CADM1: variants seen among roughly 807,000 people sequenced by gnomAD.
The protein encoded by CADM1 is TSLC-1.
CADM1 carries 15 observed loss-of-function variants against 53.1 expected under a neutral mutation model. That is an observed-to-expected ratio of 0.28 (90% CI 0.19 to 0.44). The LOEUF is 0.44. CADM1 is among the 20% of genes least tolerant of loss of function. The pLI is 1.00. For missense variants in CADM1, 434 were observed against 611.3 expected (o/e 0.71, Z 3.06); for synonymous variants, 281 against 243.0 (o/e 1.16, Z -1.45).
intron 1 of CADM1, among the ~76,000 whole-genome samples, chr11:115,361,177 CA>C (rs1336032262): frequency 6.6e-6 from 1 of 152,106 alleles, no homozygotes; most frequent in Non-Finnish European, 1.5e-5. Flanking sequence ...AGACAACATA[CA>C]ACATTGAATC....
At chr11:115,184,858 T>C (rs1056692939) in intron 10 of CADM1, among the ~76,000 whole-genome samples, 3 of 152,226 alleles carry the variant, frequency 2.0e-5, no homozygotes, top group African/African-American at 4.8e-5. Flanking sequence ...ACTACTCAAA[T>C]GATCAGGACT....
chr11:115,428,782 T>A (rs200852777), intron 1 of CADM1, among the ~76,000 whole-genome samples: 1 of 2,670 alleles, frequency 3.7e-4, no homozygotes, highest in Non-Finnish European at 3.6e-3. Context: ...TGTGTGTGCG[T>A]GTGTGTGTGT....
intron 1 of CADM1, among the ~76,000 whole-genome samples, chr11:115,409,802 A>C (rs1370610474): frequency 6.6e-6 from 1 of 152,158 alleles, no homozygotes; most frequent in Non-Finnish European, 1.5e-5. Flanking sequence ...GATAAATTTC[A>C]AGCTGGCAAA....
chr11:115,262,646 T>A (rs559028558), intron 1 of CADM1, among the ~76,000 whole-genome samples: 5 of 152,236 alleles, frequency 3.3e-5, no homozygotes, highest in Admixed American at 2.6e-4. Context: ...TAGTGGATGC[T>A]TATTTTCTTT....
At chr11:115,255,316 A>G (rs1591646493) in intron 1 of CADM1, among the ~76,000 whole-genome samples, 1 of 152,174 alleles carries the variant, frequency 6.6e-6, no homozygotes, top group Non-Finnish European at 1.5e-5. Context: ...ACCCAATTGT[A>G]CCAAAAATAT....
chr11:115,219,996 G>A (rs1166523551), intron 5 of CADM1, among the ~76,000 whole-genome samples: 1 of 152,062 alleles, frequency 6.6e-6, no homozygotes, highest in East Asian at 1.9e-4. Context: ...TGAACCTTCT[G>A]GGTGAGGCTA....
At chr11:115,219,109 G>T (rs185227073) in intron 5 of CADM1, among the ~76,000 whole-genome samples, 2 of 152,144 alleles carry the variant, frequency 1.3e-5, no homozygotes, top group Admixed American at 1.3e-4. Flanking sequence ...ACATCGGTTG[G>T]CTGAAAGGTC....
intron 1 of CADM1, among the ~76,000 whole-genome samples, chr11:115,481,120 C>T (rs1472122580): frequency 6.6e-6 from 1 of 152,114 alleles, no homozygotes; most frequent in Non-Finnish European, 1.5e-5. Context: ...TTCCAGTCCC[C>T]TTCTCCCTCA....
intron 10 of CADM1, among the ~76,000 whole-genome samples, chr11:115,190,060 T>G (rs1177175051): frequency 6.6e-6 from 1 of 152,184 alleles, no homozygotes; most frequent in African/African-American, 2.4e-5. Context: ...CCAATAGGCT[T>G]GAGTAAGTGT....
At chr11:115,229,021 A>G (rs1941719022) in intron 5 of CADM1, 92 bp downstream of exon 5, 1 of 1,125,634 alleles carries the variant, frequency 8.9e-7, no homozygotes, top group Non-Finnish European at 1.3e-6. Flanking sequence ...TATGTATACT[A>G]TATAAAATGA....
chr11:115,341,460 C>T (rs941589992), intron 1 of CADM1, among the ~76,000 whole-genome samples: 1 of 152,092 alleles, frequency 6.6e-6, no homozygotes, highest in African/African-American at 2.4e-5. Flanking sequence ...ATAAAATAAA[C>T]CACAAGATAA....
chr11:115,177,425 C>T (rs567687080), intron 11 of CADM1, among the ~76,000 whole-genome samples: 1 of 152,290 alleles, frequency 6.6e-6, no homozygotes, highest in South Asian at 2.1e-4. Context: ...AGTTAAACTG[C>T]CTACCATAAT....
At chr11:115,461,525 T>C (rs1378273020) in intron 1 of CADM1, among the ~76,000 whole-genome samples, 1 of 152,178 alleles carries the variant, frequency 6.6e-6, no homozygotes, top group East Asian at 1.9e-4. Flanking sequence ...CAATGTTTTA[T>C]TACCAAGGTC....
intron 1 of CADM1, among the ~76,000 whole-genome samples, chr11:115,461,260 T>C (rs1948789599): frequency 6.6e-6 from 1 of 152,058 alleles, no homozygotes; most frequent in African/African-American, 2.4e-5. Flanking sequence ...AATAATAATG[T>C]AGTTGAGATA....
chr11:115,234,860 T>A (rs1045187749), intron 3 of CADM1, among the ~76,000 whole-genome samples: 1 of 116,420 alleles, frequency 8.6e-6, no homozygotes, highest in Admixed American at 1.3e-4. Context: ...GCCATTGCAC[T>A]CCAGCCTGGG....
Position 115,174,665 on chromosome 11 carries a change from G to A in CADM1, c.*1809C>T, listed in dbSNP as rs1439583150. The A allele has an allele frequency of 2.0e-6, 2 of 983,292 alleles. No individual in the cohort carries two copies. The highest frequency in any genetic ancestry group is 2.4e-6 in the Non-Finnish European group (2 of 827,902). 60.9% of individuals were successfully genotyped at this position (983,292 alleles called of 1,614,324 possible). A position where few individuals can be genotyped will look rare whatever the true frequency, so the allele number is the denominator to read the frequency against. On this transcript the variant is annotated 3_prime_UTR_variant, in exon 12 of 12. Transcript: ENST00000331581. ...TTCCCCCTTAAATAAATCAGCATAA[G>A]TTTTCCACATAATGTAACAATAGTA...
At chr11:115,377,418 T>TA (rs1253476066) in intron 1 of CADM1, 1 of 152,180 alleles carries the variant, frequency 6.6e-6, no homozygotes, top group East Asian at 1.9e-4. Flanking sequence ...GCCCAGGAGT[T>TA]ACAGCAAGTA....
At chr11:115,277,152 A>C (rs957903620) in intron 1 of CADM1, among the ~76,000 whole-genome samples, 1 of 152,224 alleles carries the variant, frequency 6.6e-6, no homozygotes, top group Non-Finnish European at 1.5e-5. Context: ...AAAGTAAGCC[A>C]TAGCAACATC....
chr11:115,182,624 C>T (rs1939363797), intron 10 of CADM1, among the ~76,000 whole-genome samples: 1 of 152,164 alleles, frequency 6.6e-6, no homozygotes, highest in Non-Finnish European at 1.5e-5. Context: ...TTGTGTATCG[C>T]TGTGTCACCC....
Sources: gnomAD v4.1 joint callset for allele counts (sites outside exome capture counted in the v4.1 genomes callset) on GRCh38, gnomAD v4.1.1 for gene constraint, MANE v1.5 for transcripts, NCBI Gene and HGNC (gene_info 2026-07-23, HGNC 2026-07-21) for gene names.